PKNOX1: variants seen among roughly 807,000 people sequenced by gnomAD.
The protein encoded by PKNOX1 is homeobox protein PKNOX1.
In PKNOX1, 15 loss-of-function variants were observed where a neutral mutation model predicts 51.9. The ratio of observed to expected loss-of-function variants is 0.29; its 90% confidence interval spans 0.19 to 0.45. The LOEUF (loss-of-function observed/expected upper bound fraction) is 0.45, where lower values mean the gene tolerates loss of function less well. Ranked by LOEUF, PKNOX1 falls within the 20% of genes least tolerant of loss-of-function variation. The probability of loss-of-function intolerance (pLI) is 1.00; values close to 1 mark genes in which losing one functional copy is unlikely to be tolerated. For synonymous variants in PKNOX1, 219 were observed against 211.1 expected, an observed-to-expected ratio of 1.04 and a Z score of -0.32; for missense variants, 462 against 547.5, an observed-to-expected ratio of 0.84 and a Z score of 1.56.
At chr21:42,984,403 T>C (rs1433905286) in intron 1 of PKNOX1, among the ~76,000 whole-genome samples, 1 of 152,214 alleles carries the variant, frequency 6.6e-6, no homozygotes, top group Non-Finnish European at 1.5e-5. Context: ...TTTCTTTTTT[T>C]TTGAGACAGA....
intron 1 of PKNOX1, among the ~76,000 whole-genome samples, chr21:42,991,669 G>A (rs2059087907): frequency 6.6e-6 from 1 of 151,794 alleles, no homozygotes; most frequent in South Asian, 2.1e-4. Context: ...CGGAGGCGGA[G>A]CTTGCGGTGA....
At chr21:43,011,894 C>G (rs1362437808) in intron 4 of PKNOX1, among the ~76,000 whole-genome samples, 2 of 152,162 alleles carry the variant, frequency 1.3e-5, no homozygotes, top group Admixed American at 6.5e-5. Context: ...ATCCGATGCT[C>G]TCTCCACCCC....
At chr21:42,975,372 G>T (rs79511505) in intron 1 of PKNOX1, among the ~76,000 whole-genome samples, 1 of 151,962 alleles carries the variant, frequency 6.6e-6, no homozygotes, top group Non-Finnish European at 1.5e-5. Flanking sequence ...GCTGACGGCA[G>T]TGTTTGGGGC....
intron 10 of PKNOX1, among the ~76,000 whole-genome samples, 168 bp from the exon 11 acceptor site, chr21:43,029,722 C>T (rs1414766990): frequency 2.6e-5 from 4 of 152,164 alleles, no homozygotes; most frequent in Admixed American, 2.0e-4. Context: ...TGAGCTACCG[C>T]GCCCGGCCCA....
chr21:42,983,512 C>T (rs1215012194), intron 1 of PKNOX1, among the ~76,000 whole-genome samples: 1 of 152,122 alleles, frequency 6.6e-6, no homozygotes, highest in Non-Finnish European at 1.5e-5. Flanking sequence ...TGTGGATATA[C>T]TGAATTTTGT....
In PKNOX1 at chr21:43,032,055, T is replaced by G. The variant is rs1409155810; in HGVS notation, c.*1954T>G. 7.4e-6 allele frequency: 3 copies of G among 407,892 alleles called. No homozygotes were observed. Among genetic ancestry groups the G allele is most frequent in the African/African-American group, 6.3e-5 (3 of 47,792 alleles). The allele number at this position is 407,892 out of a possible 1,614,324, so 25.3% of individuals were successfully genotyped here. On this transcript the variant is annotated 3_prime_UTR_variant, in exon 11 of 11. Coordinates refer to ENST00000291547, the MANE Select transcript of PKNOX1 (RefSeq NM_004571.5). ...TTTGTATTTTTAGTAGAGATGGGTT[T>G]CTCCATGTTGGTCGGGCTGGTCTCG...
chr21:42,983,729 G>A (rs1180819748), intron 1 of PKNOX1, among the ~76,000 whole-genome samples: 3 of 152,148 alleles, frequency 2.0e-5, no homozygotes, highest in East Asian at 3.8e-4. Context: ...CGCAGCAACT[G>A]TACTGTTTTA....
At chr21:42,994,176 G>A (rs970796800) in intron 1 of PKNOX1, among the ~76,000 whole-genome samples, 25 of 145,506 alleles carry the variant, frequency 1.7e-4, no homozygotes, top group African/African-American at 6.1e-4. Context: ...AAGCAGCTGG[G>A]ACTACAGACA....
chr21:43,004,955 A>T (rs995885323), intron 2 of PKNOX1, among the ~76,000 whole-genome samples: 5 of 152,150 alleles, frequency 3.3e-5, no homozygotes, highest in African/African-American at 1.2e-4. Context: ...CTCCCACCAT[A>T]GATGAGACTT....
chr21:43,004,106 A>T (rs1024226929), intron 1 of PKNOX1: 2 of 291,216 alleles, frequency 6.9e-6, no homozygotes, highest in African/African-American at 4.5e-5. Context: ...GCATGGTGGC[A>T]CATGACTGTA....
chr21:42,997,510 A>G (rs1370242426), intron 1 of PKNOX1, among the ~76,000 whole-genome samples: 1 of 152,228 alleles, frequency 6.6e-6, no homozygotes, highest in Non-Finnish European at 1.5e-5. Context: ...CCAAAAATGT[A>G]TAATGTCAGT....
chr21:42,976,442 A>G (rs757803697), intron 1 of PKNOX1, among the ~76,000 whole-genome samples: 6 of 152,126 alleles, frequency 3.9e-5, no homozygotes, highest in Admixed American at 1.3e-4. Context: ...TACTGCATTG[A>G]TGGACTCCTC....
chr21:42,986,657 TCA>T (rs923611091), intron 1 of PKNOX1, among the ~76,000 whole-genome samples: 18 of 152,274 alleles, frequency 1.2e-4, no homozygotes, highest in South Asian at 6.2e-4. Context: ...CTAAAACTTC[TCA>T]CACACAAAAT....
intron 9 of PKNOX1, among the ~76,000 whole-genome samples, chr21:43,025,869 G>C (rs373917682): frequency 7.7e-4 from 117 of 152,274 alleles, no homozygotes; most frequent in Non-Finnish European, 1.2e-3. Context: ...GGTATGCTTC[G>C]GGGTTGCATA....
chr21:43,016,146 T>A (rs1979478946), intron 5 of PKNOX1, among the ~76,000 whole-genome samples: 1 of 152,216 alleles, frequency 6.6e-6, no homozygotes, highest in South Asian at 2.1e-4. Context: ...TTATGCTATG[T>A]AACTGCTCAC....
At chr21:42,988,386 C>T (rs1363604386) in intron 1 of PKNOX1, among the ~76,000 whole-genome samples, 1 of 152,116 alleles carries the variant, frequency 6.6e-6, no homozygotes, top group Admixed American at 6.5e-5. Context: ...CAAAGTTGGT[C>T]TGGATCTAAA....
rs202114509 is a variant in PKNOX1 at position 43,016,989 on chromosome 21, G to C, written c.604G>C (p.Ala202Pro). 5.0e-6 allele frequency: 8 copies of C among 1,612,180 alleles called. No homozygotes were observed. Among genetic ancestry groups the C allele is most frequent in the Non-Finnish European group, 6.8e-6 (8 of 1,179,522 alleles). ...GTCCGCGCTGCAGCAGGGAAACGTA[G>C]CCATGGCGACGGTGGCAGGTACGAT... is the stretch of plus-strand genomic sequence containing the variant. ...PASALQQGNV[A>P]MATVAGGTVY... Residue 202 changes from alanine (A) to proline (P), a missense_variant, in exon 6 of 11, where the codon GCC becomes CCC. Ala to Pro is a conservative substitution (Grantham distance 27, BLOSUM62 -1). Coordinates refer to ENST00000291547, the MANE Select transcript of PKNOX1 (RefSeq NM_004571.5).
chr21:42,988,412 G>C (rs182375721), intron 1 of PKNOX1, among the ~76,000 whole-genome samples: 50 of 152,276 alleles, frequency 3.3e-4, no homozygotes, highest in Admixed American at 1.4e-3. Flanking sequence ...TCAAATAGCA[G>C]AACTGTTGGG....
At chr21:42,978,123 A>C (rs757472406) in intron 1 of PKNOX1, among the ~76,000 whole-genome samples, 5 of 152,040 alleles carry the variant, frequency 3.3e-5, no homozygotes, top group African/African-American at 7.2e-5. Context: ...CTCTTGCCTC[A>C]ACCTCCCGAG....
Sources: gnomAD v4.1 joint callset for allele counts (sites outside exome capture counted in the v4.1 genomes callset) on GRCh38, gnomAD v4.1.1 for gene constraint, MANE v1.5 for transcripts, NCBI Gene and HGNC (gene_info 2026-07-23, HGNC 2026-07-21) for gene names.